The following EBF1 variants were observed in gnomAD, a reference collection of about 807,000 sequenced individuals.
EBF1 encodes EBF transcription factor 1, also known as transcription factor COE1.
In EBF1, 10 loss-of-function variants were observed where a neutral mutation model predicts 68.4. The observed-to-expected ratio is 0.15, with a 90% CI of 0.09 to 0.25. The LOEUF (loss-of-function observed/expected upper bound fraction) is 0.25, where lower values mean the gene tolerates loss of function less well. Ranked by LOEUF, EBF1 falls within the 10% of genes least tolerant of loss-of-function variation. The pLI is 1.00. For synonymous variants in EBF1, 298 were observed against 299.8 expected (o/e 0.99, Z 0.06); for missense variants, 509 against 794.4 (o/e 0.64, Z 4.32).
chr5:158,848,833 C>T (rs974319168), intron 6 of EBF1, among the ~76,000 whole-genome samples: 2 of 152,134 alleles, frequency 1.3e-5, no homozygotes, highest in Non-Finnish European at 2.9e-5. Flanking sequence ...ATTAACTTCC[C>T]CTGTGGAGGT....
At chr5:158,796,270 T>C in intron 9 of EBF1, 75 bp downstream of exon 9, 1 of 1,449,360 alleles carries the variant, frequency 6.9e-7, no homozygotes, top group Non-Finnish European at 9.2e-7. Context: ...CTACACATTC[T>C]ATTAGAAATT....
At chr5:158,774,815 A>G (rs1774741028) in intron 10 of EBF1, among the ~76,000 whole-genome samples, 1 of 152,152 alleles carries the variant, frequency 6.6e-6, no homozygotes, top group Non-Finnish European at 1.5e-5. Context: ...CAAAAGGTCC[A>G]TGTGTAGGTC....
At chr5:158,901,426 C>A (rs1415522504) in intron 6 of EBF1, among the ~76,000 whole-genome samples, 1 of 152,224 alleles carries the variant, frequency 6.6e-6, no homozygotes, top group East Asian at 1.9e-4. Flanking sequence ...ACATCCTCAG[C>A]TGCCACTCAA....
chr5:158,948,139 G>A (rs1815212129), intron 6 of EBF1, among the ~76,000 whole-genome samples: 1 of 152,154 alleles, frequency 6.6e-6, no homozygotes, highest in African/African-American at 2.4e-5. Context: ...CGGGGTGGAG[G>A]GTACGGGTGG....
At chr5:159,025,723 C>G (rs1767598870) in intron 6 of EBF1, among the ~76,000 whole-genome samples, 1 of 152,184 alleles carries the variant, frequency 6.6e-6, no homozygotes, top group Non-Finnish European at 1.5e-5. Context: ...AGGAAGCTCT[C>G]TTTCAATGGG....
chr5:158,862,121 T>C (rs1795063115), intron 6 of EBF1, among the ~76,000 whole-genome samples: 1 of 152,222 alleles, frequency 6.6e-6, no homozygotes, highest in Admixed American at 6.5e-5. Flanking sequence ...TGTAAAATTT[T>C]ATCTGAATAA....
At chr5:158,838,972 C>T (rs1326319224) in intron 7 of EBF1, among the ~76,000 whole-genome samples, 1 of 152,150 alleles carries the variant, frequency 6.6e-6, no homozygotes. Context: ...CATACAGGAG[C>T]TTGTTAGGAA....
chr5:158,753,553 A>G (rs1198030809), intron 10 of EBF1, among the ~76,000 whole-genome samples: 1 of 152,130 alleles, frequency 6.6e-6, no homozygotes, highest in Non-Finnish European at 1.5e-5. Context: ...TCTCGACCAC[A>G]CCAAAACCAC....
chr5:158,758,588 A>G (rs1387463329), intron 10 of EBF1, among the ~76,000 whole-genome samples: 1 of 152,200 alleles, frequency 6.6e-6, no homozygotes, highest in Non-Finnish European at 1.5e-5. Context: ...TAATCTTAAT[A>G]TTCTTTTTAA....
intron 6 of EBF1, among the ~76,000 whole-genome samples, chr5:159,035,395 A>C: frequency 6.6e-6 from 1 of 152,240 alleles, no homozygotes; most frequent in South Asian, 2.1e-4. Flanking sequence ...AAAGTCAGAA[A>C]ATCTATTTGG....
At chr5:159,077,410 G>A (rs1778969940) in intron 5 of EBF1, among the ~76,000 whole-genome samples, 1 of 152,042 alleles carries the variant, frequency 6.6e-6, no homozygotes, top group Non-Finnish European at 1.5e-5. Context: ...TTCCAGCCTG[G>A]GTGACAAGAG....
rs141615322 is a variant in EBF1, at chr5:159,017,586, C to A, written c.554+55810G>T. On this transcript the variant is annotated intron_variant, in intron 6 of 15. Transcript: ENST00000313708. ...CAACCTTGTGGAGATAACATCAAAA[C>A]TATTGGCTTGTTTAATGTGATAAAT... Among the ~76,000 whole-genome samples, 546 of 152,302 alleles carry A rather than the reference C, an allele frequency of 3.6e-3. 4 individuals carry two copies. Among genetic ancestry groups the A allele is most frequent in the African/African-American group, 0.012 (499 of 41,562 alleles).
At chr5:158,928,304 CAATA>C (rs1225528353) in intron 6 of EBF1, among the ~76,000 whole-genome samples, 8 of 152,096 alleles carry the variant, frequency 5.3e-5, no homozygotes. Context: ...AGTAAGTGTT[CAATA>C]AATAAATATG....
At position 159,002,137 on chromosome 5, in the gene EBF1, G is replaced by T. The variant is rs368714108; in HGVS notation, c.554+71259C>A. Among the ~76,000 whole-genome samples, 4 of 145,794 alleles carry T rather than the reference G, an allele frequency of 2.7e-5. 1 individual carries two copies. The highest frequency in any genetic ancestry group is 2.7e-4 in the Admixed American group (4 of 14,652). Reference sequence around the variant, plus strand: ...CAGTAGAATAAGGTGAGAAATAAAAGAAACCACCCTCCCCCAAGCCTTTTT... The same window carrying T: ...CAGTAGAATAAGGTGAGAAATAAAATAAACCACCCTCCCCCAAGCCTTTTT... On this transcript the variant is annotated intron_variant, in intron 6 of 15. Coordinates refer to ENST00000313708, the MANE Select transcript of EBF1 (RefSeq NM_024007.5).
chr5:158,955,783 G>C (rs748807501), intron 6 of EBF1, among the ~76,000 whole-genome samples: 1 of 152,114 alleles, frequency 6.6e-6, no homozygotes. Context: ...CCGAAACTCA[G>C]ATCAACCCTC....
intron 8 of EBF1, among the ~76,000 whole-genome samples, chr5:158,803,713 G>T (rs1174970473): frequency 6.6e-6 from 1 of 151,864 alleles, no homozygotes. Context: ...CTCATGCAAG[G>T]TGTAGCAGCC....
chr5:158,903,888 C>T (rs1161684155), intron 6 of EBF1, among the ~76,000 whole-genome samples: 4 of 152,078 alleles, frequency 2.6e-5, no homozygotes, highest in South Asian at 2.1e-4. Context: ...TTCCCCACCC[C>T]GTGAGGTAAA....
chr5:158,750,210 T>A (rs1018993175), intron 10 of EBF1, among the ~76,000 whole-genome samples: 24 of 152,260 alleles, frequency 1.6e-4, no homozygotes, highest in African/African-American at 5.8e-4. Flanking sequence ...GCACCTACCA[T>A]TATAATATTC....
chr5:158,815,669 C>T (rs1275387189), intron 8 of EBF1, among the ~76,000 whole-genome samples: 2 of 152,162 alleles, frequency 1.3e-5, no homozygotes, highest in African/African-American at 2.4e-5. Flanking sequence ...ATGAGCAGAA[C>T]ATAGATCACC....
Sources: allele counts gnomAD v4.1 joint callset (sites outside exome capture counted in the v4.1 genomes callset), GRCh38; gene constraint gnomAD v4.1.1; transcripts MANE v1.5; gene names NCBI Gene and HGNC (gene_info 2026-07-23, HGNC 2026-07-21).